MAP3K1: variants seen among roughly 807,000 people sequenced by gnomAD.
MAP3K1 encodes the protein mitogen-activated protein kinase kinase kinase 1.
MAP3K1 carries 36 observed loss-of-function variants against 144.2 expected under a neutral mutation model. The ratio of observed to expected loss-of-function variants is 0.25; its 90% CI spans 0.19 to 0.33. The LOEUF is 0.33. Ranked by LOEUF, MAP3K1 falls within the 10% of genes least tolerant of loss-of-function variation. The probability of loss-of-function intolerance (pLI) is 1.00; values close to 1 mark genes in which losing one functional copy is unlikely to be tolerated. For synonymous variants in MAP3K1, 718 were observed against 688.7 expected (o/e 1.04, Z -0.67); for missense variants, 1,650 against 1,881.9 (o/e 0.88, Z 2.28).
chr5:56,823,101 A>G (rs1198797199), intron 1 of MAP3K1, among the ~76,000 whole-genome samples: 1 of 152,202 alleles, frequency 6.6e-6, no homozygotes, highest in Non-Finnish European at 1.5e-5. Context: ...TCCTCCCTCC[A>G]GAAAAGTAAA....
At chr5:56,844,927 T>A (rs1349108394) in intron 1 of MAP3K1, among the ~76,000 whole-genome samples, 1 of 152,180 alleles carries the variant, frequency 6.6e-6, no homozygotes. Flanking sequence ...TAACATGCCT[T>A]TTTACCAGGT....
At chr5:56,820,536 A>G (rs1322473181) in intron 1 of MAP3K1, 10 of 985,304 alleles carry the variant, frequency 1.0e-5, no homozygotes, top group Non-Finnish European at 1.2e-5. Context: ...CTGTATTTGG[A>G]TCACCCTATC....
At chr5:56,856,332 G>T (rs1747343231) in intron 1 of MAP3K1, among the ~76,000 whole-genome samples, 1 of 152,154 alleles carries the variant, frequency 6.6e-6, no homozygotes, top group South Asian at 2.1e-4. Flanking sequence ...AAACAATGCA[G>T]TCTTAGTGAA....
intron 19 of MAP3K1, among the ~76,000 whole-genome samples, chr5:56,892,167 A>C (rs996207253): frequency 6.6e-6 from 1 of 152,226 alleles, no homozygotes; most frequent in Non-Finnish European, 1.5e-5. Context: ...ATCCATGAGC[A>C]TGGAATGTTC....
chr5:56,887,062 C>T (rs952495532), intron 17 of MAP3K1, among the ~76,000 whole-genome samples: 1 of 152,178 alleles, frequency 6.6e-6, no homozygotes, highest in African/African-American at 2.4e-5. Flanking sequence ...CGTACCTGGC[C>T]TCAGTTTATT....
In MAP3K1 at chr5:56,881,063, T is replaced by G. The variant is rs1175453287; in HGVS notation, c.2180-20T>G. 1 of 1,586,786 alleles carries G rather than the reference T, an allele frequency of 6.3e-7. No individual in the cohort carries two copies. The highest frequency in any genetic ancestry group is 8.6e-7 in the Non-Finnish European group (1 of 1,158,208). The stretch of plus-strand genomic sequence containing the variant: ...ATATCACTATTTTTTAATCATTTAT[T>G]TTTACTTTCCTTTTTGTAGGATCCA... On this transcript the variant is annotated intron_variant, in intron 12 of 19. Coordinates refer to ENST00000399503, the MANE Select transcript of MAP3K1 (RefSeq NM_005921.2).
intron 10 of MAP3K1, among the ~76,000 whole-genome samples, chr5:56,877,780 C>G (rs1748086123): frequency 6.6e-6 from 1 of 152,050 alleles, no homozygotes; most frequent in African/African-American, 2.4e-5. Context: ...TTTTTCTGTT[C>G]CAGGATCCAA....
At chr5:56,892,624 A>T (rs1342358044) in intron 19 of MAP3K1, among the ~76,000 whole-genome samples, 1 of 152,204 alleles carries the variant, frequency 6.6e-6, no homozygotes, top group African/African-American at 2.4e-5. Context: ...TAAGAATGAA[A>T]TAGAGATATT....
chr5:56,889,484 T>A (rs1440893530), intron 19 of MAP3K1, among the ~76,000 whole-genome samples: 1 of 152,208 alleles, frequency 6.6e-6, no homozygotes, highest in Non-Finnish European at 1.5e-5. Context: ...TTGTATATTT[T>A]AAAAATTCAC....
At chr5:56,862,911 T>G (rs1747559396) in intron 3 of MAP3K1, among the ~76,000 whole-genome samples, 1 of 152,228 alleles carries the variant, frequency 6.6e-6, no homozygotes, top group South Asian at 2.1e-4. Context: ...GTAGCCATTA[T>G]TACGGTCGGT....
rs1554033753 is a variant in MAP3K1 at position 56,861,590 on chromosome 5, A to AAGGG, written c.834+1675_834+1676insAGGG. Among the ~76,000 whole-genome samples, 82 of 134,592 alleles carry AAGGG rather than the reference A, an allele frequency of 6.1e-4. 1 individual carries two copies. Among genetic ancestry groups the AAGGG allele is most frequent in the African/African-American group, 2.3e-3 (77 of 33,424 alleles). The allele number at this position is 134,592 out of a possible 152,430, so 88.3% of individuals were successfully genotyped here. On this transcript the variant is annotated intron_variant, in intron 3 of 19. Transcript: ENST00000399503. ...TCCTAAAAAAAAAAAAAAAAAAAAA[A>AAGGG]GGGGCTATTAAAATACTCCTTCCTT... is the stretch of plus-strand genomic sequence containing the variant.
intron 1 of MAP3K1, among the ~76,000 whole-genome samples, chr5:56,825,067 G>A (rs1387088735): frequency 6.6e-6 from 1 of 152,016 alleles, no homozygotes; most frequent in Non-Finnish European, 1.5e-5. Flanking sequence ...GAGTGCAATG[G>A]CACAATCTTG....
intron 18 of MAP3K1, chr5:56,887,876 G>A (rs1748431953): frequency 4.6e-6 from 2 of 433,130 alleles, no homozygotes; most frequent in South Asian, 2.3e-5. Context: ...GCTCCTGTCT[G>A]TAGTGGAAGG....
intron 1 of MAP3K1, among the ~76,000 whole-genome samples, chr5:56,838,322 G>C (rs1414702897): frequency 3.9e-5 from 6 of 152,264 alleles, no homozygotes; most frequent in Non-Finnish European, 8.8e-5. Flanking sequence ...TTAGAAAACA[G>C]TTATGATGAA....
In MAP3K1 at chr5:56,827,037, A is replaced by G. The variant is rs549923881; in HGVS notation, c.482+10982A>G. The stretch of plus-strand genomic sequence containing the variant: ...AAGTCCCGATAAACGTGGAGGAATG[A>G]ACCAGGTGAAAGGAACTTGCAAGGA... On this transcript the variant is annotated intron_variant, in intron 1 of 19. Transcript: ENST00000399503. Among the ~76,000 whole-genome samples, 56 of 152,352 alleles carry G rather than the reference A, an allele frequency of 3.7e-4. No homozygotes were observed. The South Asian group carries it at 7.7e-3, about 21-fold the overall frequency.
At chr5:56,852,421 C>A (rs922522127) in intron 1 of MAP3K1, among the ~76,000 whole-genome samples, 8 of 152,156 alleles carry the variant, frequency 5.3e-5, no homozygotes, top group African/African-American at 1.7e-4. Flanking sequence ...GAGTCTAGCA[C>A]TAGAAACCTA....
chr5:56,822,375 A>G (rs1746180324), intron 1 of MAP3K1, among the ~76,000 whole-genome samples: 1 of 152,222 alleles, frequency 6.6e-6, no homozygotes, highest in Admixed American at 6.5e-5. Context: ...GCAGTCATTG[A>G]TAATATTGAC....
intron 1 of MAP3K1, among the ~76,000 whole-genome samples, chr5:56,849,855 C>T (rs1230266287): frequency 6.6e-6 from 1 of 152,200 alleles, no homozygotes; most frequent in Non-Finnish European, 1.5e-5. Flanking sequence ...TTGGAAGACA[C>T]AGACTGTGAA....
Position 56,872,805 on chromosome 5 carries a change from T to A in MAP3K1, c.1506-20T>A. 6.2e-7 allele frequency: 1 copy of A among 1,613,898 alleles called. No homozygotes were observed. Among genetic ancestry groups the A allele is most frequent in the South Asian group, 1.1e-5 (1 of 91,070 alleles). ...TTGTCTTAATTTTTTTAAAGCAAGT[T>A]TTGTTATTTTTCATTTTAGCCACGA... On this transcript the variant is annotated intron_variant, in intron 8 of 19. Transcript: ENST00000399503.
Sources: gnomAD v4.1 joint callset for allele counts (sites outside exome capture counted in the v4.1 genomes callset) on GRCh38, gnomAD v4.1.1 for gene constraint, MANE v1.5 for transcripts, NCBI Gene and HGNC (gene_info 2026-07-23, HGNC 2026-07-21) for gene names.